CRTC1: variants seen among roughly 807,000 people sequenced by gnomAD.
CRTC1 encodes the protein CREB regulated transcription coactivator 1.
CRTC1 carries 18 observed loss-of-function variants against 66.1 expected under a neutral mutation model. That is an observed-to-expected ratio of 0.27 (90% CI 0.19 to 0.40). The LOEUF (loss-of-function observed/expected upper bound fraction) is 0.40, where lower values mean the gene tolerates loss of function less well. Ranked by LOEUF, CRTC1 falls within the 10% of genes least tolerant of loss-of-function variation. The pLI, the probability that CRTC1 is intolerant of heterozygous loss-of-function variation, is 1.00. For missense variants in CRTC1, 669 were observed against 887.9 expected, an observed-to-expected ratio of 0.75 and a Z score of 3.13; for synonymous variants, 416 against 398.8, an observed-to-expected ratio of 1.04 and a Z score of -0.51.
intron 9 of CRTC1, among the ~76,000 whole-genome samples, chr19:18,767,893 C>T (rs942945428): frequency 6.6e-6 from 1 of 152,226 alleles, no homozygotes; most frequent in Non-Finnish European, 1.5e-5. Context: ...TTCCCAAGGA[C>T]TGTCAGCTTG....
chr19:18,721,393 C>G (rs1399078349), intron 1 of CRTC1, among the ~76,000 whole-genome samples: 1 of 151,510 alleles, frequency 6.6e-6, no homozygotes, highest in Non-Finnish European at 1.5e-5. Context: ...CGGGGTTTCA[C>G]AGTGTTAGCC....
At chr19:18,751,719 A>G (rs1055862510) in intron 5 of CRTC1, among the ~76,000 whole-genome samples, 3 of 152,052 alleles carry the variant, frequency 2.0e-5, no homozygotes, top group African/African-American at 7.2e-5. Flanking sequence ...CGCTGCTGCC[A>G]TGAGTGCACT....
intron 1 of CRTC1, among the ~76,000 whole-genome samples, chr19:18,688,762 T>C (rs574724964): frequency 6.6e-6 from 1 of 152,186 alleles, no homozygotes; most frequent in Admixed American, 6.5e-5. Context: ...AACAGCTTTA[T>C]TGAGATGTCA....
At chr19:18,690,762 A>G (rs1459083160) in intron 1 of CRTC1, among the ~76,000 whole-genome samples, 1 of 151,716 alleles carries the variant, frequency 6.6e-6, no homozygotes, top group Non-Finnish European at 1.5e-5. Context: ...GCAGTGGCTC[A>G]CTCCTATAAT....
At chr19:18,773,088 C>T (rs565906360) in intron 11 of CRTC1, among the ~76,000 whole-genome samples, 2 of 152,248 alleles carry the variant, frequency 1.3e-5, no homozygotes, top group East Asian at 3.9e-4. Context: ...GAGCAGGTGG[C>T]GGTGTTGTCA....
At chr19:18,698,232 C>T (rs1429528460) in intron 1 of CRTC1, among the ~76,000 whole-genome samples, 2 of 151,586 alleles carry the variant, frequency 1.3e-5, no homozygotes, top group Non-Finnish European at 2.9e-5. Context: ...ACAGTGTGTA[C>T]TCAGCAGGCA....
At chr19:18,744,083 A>C in intron 2 of CRTC1, 1 of 1,612,544 alleles carries the variant, frequency 6.2e-7, no homozygotes, top group Non-Finnish European at 8.5e-7. Flanking sequence ...CAGCGTCTCA[A>C]AGTCTCGGTT....
chr19:18,766,442 AT>A (rs1442650432), intron 9 of CRTC1, among the ~76,000 whole-genome samples: 1 of 144,988 alleles, frequency 6.9e-6, no homozygotes, highest in Non-Finnish European at 1.5e-5. Flanking sequence ...CCTGACCGTA[AT>A]CCCTTTTTTA....
intron 1 of CRTC1, among the ~76,000 whole-genome samples, chr19:18,725,365 TC>T (rs1428683222): frequency 6.6e-6 from 1 of 152,148 alleles, no homozygotes; most frequent in African/African-American, 2.4e-5. Flanking sequence ...CCTGTCCAGC[TC>T]CCAGAATCCT....
rs1220391220 is a variant in CRTC1, at chr19:18,768,662, C to T, written c.1189C>T (p.Pro397Ser). ...GCCCGTCCGCCTGCCCCCTGGTGGCCCCCTGTTGCCCAGCGCCAGCCTGAC... is the reference window on the plus strand; with the variant it reads ...GCCCGTCCGCCTGCCCCCTGGTGGCTCCCTGTTGCCCAGCGCCAGCCTGAC... ...QAPVRLPPGG[P>S]LLPSASLTRG... The change falls in exon 10 of 14, where the codon CCC becomes TCC. Residue 397 changes from proline (P) to serine (S), a missense_variant. Coordinates refer to ENST00000321949, the MANE Select transcript of CRTC1 (RefSeq NM_015321.3). The surrounding 1 kb of genome is among the most constrained non-coding windows in gnomAD (Gnocchi z 5.6). The T allele has an allele frequency of 6.5e-7, 1 of 1,546,140 alleles. No individual in the cohort carries two copies. The highest frequency in any genetic ancestry group is 2.4e-5 in the East Asian group (1 of 40,840).
chr19:18,768,734 C>CT lies in CRTC1; in HGVS notation c.1262dup (p.Gln423ProfsTer28). 6.3e-7 allele frequency: 1 copy of CT among 1,599,458 alleles called. No homozygotes were observed. Among genetic ancestry groups the CT allele is most frequent in the Admixed American group, 1.7e-5 (1 of 59,120 alleles). The stretch of plus-strand genomic sequence containing the variant: ...GCTTGCAGTCACGGTACCGTCCTCT[C>CT]TCCCCCAGTCCCCCCCAGAGAACCC... On this transcript the variant is annotated frameshift_variant, in exon 10 of 14. Coordinates refer to ENST00000321949, the MANE Select transcript of CRTC1 (RefSeq NM_015321.3). LOFTEE classifies it high-confidence loss of function. The surrounding 1 kb of genome is among the most constrained non-coding windows in gnomAD (Gnocchi z 5.6).
rs929768804 is a variant in CRTC1, at chr19:18,780,180, TG to T, written c.*2800del. The T allele has an allele frequency of 4.3e-6, 1 of 231,640 alleles. No homozygotes were observed. The highest frequency in any genetic ancestry group is 8.5e-6 in the Non-Finnish European group (1 of 117,156). 14.3% of individuals were successfully genotyped at this position (231,640 alleles called of 1,614,324 possible). ...TACATAGACCCGCCGTCTGTGTCCT[TG>T]GTCAGGCCCGGATGCTTGGTCTACA... On this transcript the variant is annotated 3_prime_UTR_variant, in exon 14 of 14. Transcript: ENST00000321949.
intron 1 of CRTC1, among the ~76,000 whole-genome samples, chr19:18,699,187 G>T (rs1281746374): frequency 6.6e-6 from 1 of 152,218 alleles, no homozygotes; most frequent in Non-Finnish European, 1.5e-5. Flanking sequence ...ATAGAAGCAG[G>T]TGCTCTCTAA....
At chr19:18,766,191 G>A (rs576471725) in intron 9 of CRTC1, among the ~76,000 whole-genome samples, 3 of 150,494 alleles carry the variant, frequency 2.0e-5, no homozygotes, top group Non-Finnish European at 2.9e-5. Flanking sequence ...GCATGATCTC[G>A]GCTCACGGCA....
intron 11 of CRTC1, among the ~76,000 whole-genome samples, chr19:18,772,478 C>T (rs1183240290): frequency 1.3e-5 from 2 of 152,330 alleles, no homozygotes; most frequent in African/African-American, 4.8e-5. Context: ...ACTGCTGTGC[C>T]CGGGGCCCTG....
Position 18,768,610 on chromosome 19 carries a change from GCCACCACCC to G in CRTC1, c.1140_1148del (p.Pro384_Pro386del), listed in dbSNP as rs750599011. 1.3e-6 allele frequency: 2 copies of G among 1,512,786 alleles called. No homozygotes were observed. Among genetic ancestry groups the G allele is most frequent in the African/African-American group, 2.8e-5 (2 of 72,056 alleles). 93.7% of individuals were successfully genotyped at this position (1,512,786 alleles called of 1,614,324 possible). A position where few individuals can be genotyped will look rare whatever the true frequency, so the allele number is the denominator to read the frequency against. ...CGCCTCCTCCACCCGCGTCCCAGCA[GCCACCACCC>G]CCGCCACCCCCACAGGCGCCCGTCC... is the stretch of plus-strand genomic sequence containing the variant. On this transcript the variant is annotated inframe_deletion, in exon 10 of 14. Transcript: ENST00000321949. The surrounding 1 kb of genome is among the most constrained non-coding windows in gnomAD (Gnocchi z 5.6).
Position 18,777,302 on chromosome 19 carries a change from G to C in CRTC1, c.1825G>C (p.Gly609Arg). The C allele has an allele frequency of 6.2e-7, 1 of 1,611,974 alleles. No homozygotes were observed. The highest frequency in any genetic ancestry group is 8.5e-7 in the Non-Finnish European group (1 of 1,179,980). ...CAAGATCGACCCCCTGACCCTCGAC[G>C]GACTGCACATGCTCAACGACCCCGA... ...ELKIDPLTLDGLHMLNDPDMV... is the reference protein window; with the variant it reads ...ELKIDPLTLDRLHMLNDPDMV... The change falls in exon 14 of 14, where the codon GGA becomes CGA. Residue 609 changes from glycine (G) to arginine (R), a missense_variant. Physicochemically the swap from Gly to Arg is moderately radical, Grantham distance 125. Coordinates refer to ENST00000321949, the MANE Select transcript of CRTC1 (RefSeq NM_015321.3). The surrounding 1 kb of genome is among the most constrained non-coding windows in gnomAD (Gnocchi z 5.5).
intron 1 of CRTC1, among the ~76,000 whole-genome samples, chr19:18,737,176 G>A (rs972847794): frequency 6.6e-6 from 1 of 151,884 alleles, no homozygotes; most frequent in Admixed American, 6.6e-5. Flanking sequence ...GTTCTCCAGG[G>A]CGAGGGTCCT....
At chr19:18,711,676 G>C (rs188330645) in intron 1 of CRTC1, among the ~76,000 whole-genome samples, 1 of 152,292 alleles carries the variant, frequency 6.6e-6, no homozygotes, top group Non-Finnish European at 1.5e-5. Flanking sequence ...GCTGGTCCTG[G>C]GGTGGGTGCC....
Sources: allele counts gnomAD v4.1 joint callset (sites outside exome capture counted in the v4.1 genomes callset), GRCh38; gene constraint gnomAD v4.1.1; non-coding constraint Gnocchi (gnomAD v3.1); transcripts MANE v1.5; gene names NCBI Gene and HGNC (gene_info 2026-07-23, HGNC 2026-07-21).